The following RIMBP2 variants were observed in gnomAD, a reference collection of about 807,000 sequenced individuals.
RIMBP2 encodes the protein RIMS binding protein 2.
RIMBP2 carries 48 observed loss-of-function variants against 118.6 expected under a neutral mutation model. The ratio of observed to expected loss-of-function variants is 0.40; its 90% CI spans 0.32 to 0.51. The LOEUF (loss-of-function observed/expected upper bound fraction) is 0.51. Among genes scored for constraint, RIMBP2 ranks in the 20% least tolerant of loss-of-function variants. RIMBP2 has a pLI of 0.41. For missense variants in RIMBP2, 1,551 were observed against 1,768.3 expected (o/e 0.88, Z 2.20); for synonymous variants, 762 against 742.9 (o/e 1.03, Z -0.42).
At chr12:130,629,227 T>TA (rs1238806955) in intron 1 of RIMBP2, among the ~76,000 whole-genome samples, 1 of 152,200 alleles carries the variant, frequency 6.6e-6, no homozygotes, top group African/African-American at 2.4e-5. Flanking sequence ...AGAGGAAGGA[T>TA]AAAAAGCAAG....
chr12:130,477,971 G>A (rs1425840756), intron 5 of RIMBP2, among the ~76,000 whole-genome samples: 1 of 152,186 alleles, frequency 6.6e-6, no homozygotes, highest in Non-Finnish European at 1.5e-5. Context: ...AAGGAAATGA[G>A]ATGAGACCTG....
At chr12:130,693,664 T>C (rs2136682539) in intron 1 of RIMBP2, among the ~76,000 whole-genome samples, 1 of 152,282 alleles carries the variant, frequency 6.6e-6, no homozygotes, top group East Asian at 1.9e-4. Context: ...TCTCTGGAGG[T>C]GGTCATGGAA....
At chr12:130,474,573 A>G (rs1566103259) in intron 5 of RIMBP2, among the ~76,000 whole-genome samples, 1 of 152,206 alleles carries the variant, frequency 6.6e-6, no homozygotes, top group Non-Finnish European at 1.5e-5. Flanking sequence ...ATGGGGCGAC[A>G]TGCCCTCTGT....
chr12:130,687,364 T>C, intron 1 of RIMBP2, among the ~76,000 whole-genome samples: 1 of 152,198 alleles, frequency 6.6e-6, no homozygotes, highest in Non-Finnish European at 1.5e-5. Flanking sequence ...ATGCCTCGCG[T>C]TTTAATCCAC....
At chr12:130,438,344 A>ACCAAAAAC in intron 12 of RIMBP2, 21 bp downstream of exon 12, 1 of 685,542 alleles carries the variant, frequency 1.5e-6, no homozygotes. Flanking sequence ...AACCCTCCCC[A>ACCAAAAAC]CCCACCCAAC....
intron 2 of RIMBP2, among the ~76,000 whole-genome samples, chr12:130,593,331 TG>T (rs1257057164): frequency 6.6e-6 from 1 of 152,214 alleles, no homozygotes; most frequent in Non-Finnish European, 1.5e-5. Context: ...AGGATGGGGC[TG>T]GGGGTGCTTC....
At chr12:130,610,187 A>G (rs1311594717) in intron 2 of RIMBP2, among the ~76,000 whole-genome samples, 2 of 150,588 alleles carry the variant, frequency 1.3e-5, no homozygotes, top group East Asian at 2.0e-4. Flanking sequence ...TTCTGGGGGA[A>G]AATGGGAAGT....
chr12:130,686,745 A>C (rs1391345152), intron 1 of RIMBP2, among the ~76,000 whole-genome samples: 2 of 152,132 alleles, frequency 1.3e-5, no homozygotes, highest in African/African-American at 4.8e-5. Flanking sequence ...CGTGAGGGGC[A>C]CCTGCCAGCG....
intron 6 of RIMBP2, among the ~76,000 whole-genome samples, chr12:130,468,002 C>A (rs1186702248): frequency 6.6e-6 from 1 of 152,158 alleles, no homozygotes; most frequent in East Asian, 1.9e-4. Context: ...TCTGGCTGAG[C>A]ATGGAAGCAG....
chr12:130,412,933 C>T (rs940106342), intron 18 of RIMBP2, 146 bp from the exon 19 acceptor site: 3 of 752,678 alleles, frequency 4.0e-6, no homozygotes, highest in East Asian at 2.8e-5. Flanking sequence ...AGGTCACCCA[C>T]GTGTGTGCTG....
chr12:130,708,767 G>A (rs1949679993), intron 1 of RIMBP2, among the ~76,000 whole-genome samples: 1 of 152,154 alleles, frequency 6.6e-6, no homozygotes, highest in Non-Finnish European at 1.5e-5. Context: ...TCTCTAAGAG[G>A]CTCGCGTGGG....
Position 130,643,010 on chromosome 12 carries a change from C to T in RIMBP2, c.-351-14554G>A, listed in dbSNP as rs749756428. The stretch of plus-strand genomic sequence containing the variant: ...CCCACCTGCTCTGGAGTTTGAGTCT[C>T]GGACTGGACACATTCCAAATCCCTG... On this transcript the variant is annotated intron_variant, in intron 1 of 22. Coordinates refer to ENST00000690449, the MANE Select transcript of RIMBP2 (RefSeq NM_001393629.1). Among the ~76,000 whole-genome samples the T allele has an allele frequency of 1.1e-4, 16 of 152,326 alleles. 1 individual carries two copies. The South Asian group carries it at 1.7e-3, about 16-fold the overall frequency.
At chr12:130,549,380 A>G (rs1396044537) in intron 2 of RIMBP2, among the ~76,000 whole-genome samples, 1 of 152,140 alleles carries the variant, frequency 6.6e-6, no homozygotes, top group East Asian at 1.9e-4. Context: ...CTTAACTTGT[A>G]TTTTAGGCTT....
At chr12:130,485,066 C>T (rs1277581756) in intron 4 of RIMBP2, among the ~76,000 whole-genome samples, 1 of 145,144 alleles carries the variant, frequency 6.9e-6, no homozygotes, top group Non-Finnish European at 1.5e-5. Flanking sequence ...CCCTTTCCCA[C>T]TGGACGTGTG....
At position 130,511,404 on chromosome 12, in the gene RIMBP2, G is replaced by A. The variant is rs1470511970; in HGVS notation, c.-126-4634C>T. 6.6e-6 allele frequency among the ~76,000 whole-genome samples: 1 copy of A among 152,182 alleles called. No individual in the cohort carries two copies. The highest frequency in any genetic ancestry group is 1.9e-4 in the East Asian group (1 of 5,190). ...GGAAATCAGCTAAACAGCAGTCCTC[G>A]TTACCGCGAGCACGCGTCGAATTGT... On this transcript the variant is annotated intron_variant, in intron 3 of 22. Coordinates refer to ENST00000690449, the MANE Select transcript of RIMBP2 (RefSeq NM_001393629.1). The surrounding 1 kb of genome is among the most constrained non-coding windows in gnomAD (Gnocchi z 4.3).
chr12:130,509,425 G>A (rs1248674559), intron 3 of RIMBP2, among the ~76,000 whole-genome samples: 1 of 152,214 alleles, frequency 6.6e-6, no homozygotes, highest in African/African-American at 2.4e-5. Context: ...CCTCTTGGGA[G>A]ACGACCTGGA....
rs755474700 is a variant in RIMBP2 at position 130,664,411 on chromosome 12, GCA to G, written c.-351-35957_-351-35956del. On this transcript the variant is annotated intron_variant, in intron 1 of 22. Transcript: ENST00000690449. Reference sequence around the variant, plus strand: ...CATGCACACACACGCACGCACGCACGCACACACACGCACACACATGCATGCAC... The same window carrying G: ...CATGCACACACACGCACGCACGCACGCACACACGCACACACATGCATGCAC... Among the ~76,000 whole-genome samples the G allele has an allele frequency of 5.3e-3, 463 of 87,358 alleles. 24 individuals are homozygous for G. Among genetic ancestry groups the G allele is most frequent in the Admixed American group, 9.9e-3 (89 of 8,984 alleles). 57.3% of individuals were successfully genotyped at this position (87,358 alleles called of 152,430 possible).
rs185215880 is a variant in RIMBP2, at chr12:130,704,124, C to T, written c.-352+12098G>A. 3.5e-3 allele frequency among the ~76,000 whole-genome samples: 527 copies of T among 152,262 alleles called. 1 individual carries two copies. The highest frequency in any genetic ancestry group is 6.9e-3 in the Admixed American group (105 of 15,282). The stretch of plus-strand genomic sequence containing the variant: ...GCACCCCATGGCCAGGTCGACTTCC[C>T]TCCAGGCACCAGAACACAGGCAGGG... On this transcript the variant is annotated intron_variant, in intron 1 of 22. Coordinates refer to ENST00000690449, the MANE Select transcript of RIMBP2 (RefSeq NM_001393629.1).
intron 5 of RIMBP2, among the ~76,000 whole-genome samples, chr12:130,470,994 A>G (rs2080954791): frequency 6.6e-6 from 1 of 152,194 alleles, no homozygotes; most frequent in Admixed American, 6.5e-5. Context: ...CCAGGTGATA[A>G]GCTTAGTAGC....
Sources: gnomAD v4.1 joint callset for allele counts (sites outside exome capture counted in the v4.1 genomes callset) on GRCh38, gnomAD v4.1.1 for gene constraint, Gnocchi (gnomAD v3.1) non-coding constraint, MANE v1.5 for transcripts, NCBI Gene and HGNC (gene_info 2026-07-23, HGNC 2026-07-21) for gene names.